The following ROPN1B variants were observed in gnomAD, a reference collection of about 807,000 sequenced individuals.
The protein encoded by ROPN1B is ropporin-1B.
In ROPN1B, 13 loss-of-function variants were observed where a neutral mutation model predicts 23.7. The observed-to-expected ratio is 0.55, with a 90% confidence interval of 0.36 to 0.87. The LOEUF (loss-of-function observed/expected upper bound fraction) is 0.87. ROPN1B is among the 40% of genes least tolerant of loss of function. The pLI is 0.01. For missense variants in ROPN1B, 183 were observed against 249.2 expected (o/e 0.73, Z 1.79); for synonymous variants, 67 against 100.4 (o/e 0.67, Z 1.99).
Position 125,975,667 on chromosome 3 carries a change from T to C in ROPN1B, c.221T>C (p.Ile74Thr), listed in dbSNP as rs1938382660. Residue 74 changes from isoleucine (I) to threonine (T), a missense_variant, in exon 4 of 7, where the codon ATC becomes ACC. Coordinates refer to ENST00000514116, the MANE Select transcript of ROPN1B (RefSeq NM_001308313.2). ...GAGCTAACACCTGAGCTGTTAAAGATCCTGCATTCTCAGGTAAGGGCCCTG... is the reference window on the plus strand; with the variant it reads ...GAGCTAACACCTGAGCTGTTAAAGACCCTGCATTCTCAGGTAAGGGCCCTG... The part of the protein sequence containing the change: ...WAELTPELLK[I>T]LHSQVAGRLI... The C allele has an allele frequency of 6.2e-7, 1 of 1,613,412 alleles. No homozygotes were observed. The highest frequency in any genetic ancestry group is 2.2e-5 in the East Asian group (1 of 44,870).
Position 125,972,960 on chromosome 3 carries a change from C to G in ROPN1B, c.116+790C>G, listed in dbSNP as rs1938270361. On this transcript the variant is annotated intron_variant, in intron 3 of 6. Transcript: ENST00000514116. ...TCGCTGCGGGCCTGGATTGAAGTAG[C>G]TTTGCACAGAAAGCCTCTCAGCTAT... 1.3e-5 allele frequency: 5 copies of G among 375,482 alleles called. No individual in the cohort carries two copies. The Admixed American group carries it at 1.7e-4, about 13-fold the overall frequency. 23.3% of individuals were successfully genotyped at this position (375,482 alleles called of 1,614,324 possible).
At chr3:125,977,515 C>T in intron 5 of ROPN1B, 1 of 374,510 alleles carries the variant, frequency 2.7e-6, no homozygotes, top group Admixed American at 3.9e-5. Flanking sequence ...GACTTCCAGA[C>T]ACCTAGAATA....
intron 5 of ROPN1B, among the ~76,000 whole-genome samples, chr3:125,978,421 T>C (rs1431909053): frequency 1.3e-5 from 2 of 152,150 alleles, no homozygotes; most frequent in Non-Finnish European, 2.9e-5. Context: ...AGAAAATAAA[T>C]AAATTCAATC....
Position 125,982,452 on chromosome 3 carries a change from T to G in ROPN1B, c.572+7T>G, listed in dbSNP as rs747554402. The G allele has an allele frequency of 1.3e-6, 2 of 1,584,986 alleles. No homozygotes were observed. Among genetic ancestry groups the G allele is most frequent in the Non-Finnish European group, 1.7e-6 (2 of 1,169,760 alleles). Reference sequence around the variant, plus strand: ...ACTACATTGAACAGGAAGTGTAAGTTAACTTTTACCAATTGGAGGTGAAAG... The same window carrying G: ...ACTACATTGAACAGGAAGTGTAAGTGAACTTTTACCAATTGGAGGTGAAAG... On this transcript the variant is annotated splice_region_variant and intron_variant, in intron 6 of 6. Coordinates refer to ENST00000514116, the MANE Select transcript of ROPN1B (RefSeq NM_001308313.2).
chr3:125,980,563 G>C (rs902823747), intron 5 of ROPN1B, among the ~76,000 whole-genome samples: 17 of 152,132 alleles, frequency 1.1e-4, no homozygotes, highest in African/African-American at 4.1e-4. Flanking sequence ...TTCTTAAAAA[G>C]ACACCCTACT....
chr3:125,975,954 C>T (rs536950956), intron 4 of ROPN1B, among the ~76,000 whole-genome samples: 1 of 152,246 alleles, frequency 6.6e-6, no homozygotes, highest in South Asian at 2.1e-4. Flanking sequence ...CTTGTCTCTC[C>T]AGAAAAGTGC....
intron 5 of ROPN1B, among the ~76,000 whole-genome samples, chr3:125,979,998 T>A (rs1938557794): frequency 6.6e-6 from 1 of 152,240 alleles, no homozygotes; most frequent in African/African-American, 2.4e-5. Context: ...AAGGAAGAGA[T>A]CACGTATGTA....
chr3:125,976,585 G>C (rs150857049), intron 4 of ROPN1B, among the ~76,000 whole-genome samples: 1 of 152,204 alleles, frequency 6.6e-6, no homozygotes, highest in Non-Finnish European at 1.5e-5. Flanking sequence ...GTGCAATCGG[G>C]AAGAAACAGA....
chr3:125,970,406 A>G (rs1332468187), intron 1 of ROPN1B, among the ~76,000 whole-genome samples: 3 of 152,092 alleles, frequency 2.0e-5, no homozygotes, highest in East Asian at 1.9e-4. Flanking sequence ...TGTAATGGAG[A>G]CTTTCATTTA....
chr3:125,978,107 G>C (rs1015426941), intron 5 of ROPN1B: 1 of 152,186 alleles, frequency 6.6e-6, no homozygotes, highest in African/African-American at 2.4e-5. Context: ...GCTTTAAAGA[G>C]AAGTGAACAA....
At chr3:125,972,228 G>C in intron 3 of ROPN1B, 58 bp downstream of exon 3, 1 of 1,561,598 alleles carries the variant, frequency 6.4e-7, no homozygotes, top group Non-Finnish European at 8.8e-7. Context: ...AGAGGGTCCT[G>C]TAAAACCGCG....
intron 3 of ROPN1B, among the ~76,000 whole-genome samples, chr3:125,974,160 T>G (rs1234264381): frequency 6.6e-6 from 1 of 152,222 alleles, no homozygotes; most frequent in Non-Finnish European, 1.5e-5. Context: ...TGGAATGAGG[T>G]GCTGTGTGTC....
chr3:125,979,554 C>T (rs1187196032), intron 5 of ROPN1B, among the ~76,000 whole-genome samples: 3 of 152,122 alleles, frequency 2.0e-5, no homozygotes, highest in East Asian at 1.9e-4. Flanking sequence ...TCTGCTGGCA[C>T]CTTGGTCTTG....
chr3:125,974,502 C>A (rs1375311303), intron 3 of ROPN1B, among the ~76,000 whole-genome samples: 1 of 152,128 alleles, frequency 6.6e-6, no homozygotes, highest in East Asian at 1.9e-4. Context: ...CTACCTGGAT[C>A]TGGAGGAAGT....
intron 3 of ROPN1B, among the ~76,000 whole-genome samples, chr3:125,974,741 TGAG>T (rs1415873983): frequency 1.3e-5 from 2 of 152,160 alleles, no homozygotes; most frequent in African/African-American, 2.4e-5. Context: ...CACAAAACAT[TGAG>T]GAGCAGGCAG....
chr3:125,983,358 G>C lies in ROPN1B; in HGVS notation c.*38G>C, dbSNP rs756068711. On this transcript the variant is annotated 3_prime_UTR_variant, in exon 7 of 7. Coordinates refer to ENST00000514116, the MANE Select transcript of ROPN1B (RefSeq NM_001308313.2). ...GGCAATTTTAAAGGAAGATACAGAG[G>C]TGATTGTACTTCAGAATGATAAACC... 35 of 1,408,218 alleles carry C rather than the reference G, an allele frequency of 2.5e-5. 1 individual carries two copies. In the South Asian group the frequency reaches 4.0e-4, roughly 16 times the overall value. 87.2% of individuals were successfully genotyped at this position (1,408,218 alleles called of 1,614,324 possible).
At position 125,972,191 on chromosome 3, in the gene ROPN1B, T is replaced by C. The variant is rs769150938; in HGVS notation, c.116+21T>C. On this transcript the variant is annotated intron_variant, in intron 3 of 6. Coordinates refer to ENST00000514116, the MANE Select transcript of ROPN1B (RefSeq NM_001308313.2). The stretch of plus-strand genomic sequence containing the variant: ...GCCGAGTACGTGCTCCTTTCTCGCC[T>C]TCATCTCTTGGAGGACGGGCGGGGA... 7 of 1,612,760 alleles carry C rather than the reference T, an allele frequency of 4.3e-6. No homozygotes were observed. In the South Asian group the frequency reaches 7.7e-5, roughly 18 times the overall value.
At position 125,972,177 on chromosome 3, in the gene ROPN1B, G is replaced by C; in HGVS notation, c.116+7G>C. ...TCATCCAGTGGGGGGCCGAGTACGT[G>C]CTCCTTTCTCGCCTTCATCTCTTGG... is the stretch of plus-strand genomic sequence containing the variant. On this transcript the variant is annotated splice_region_variant and intron_variant, in intron 3 of 6. Transcript: ENST00000514116. 1 of 1,614,100 alleles carries C rather than the reference G, an allele frequency of 6.2e-7. No individual in the cohort carries two copies. The highest frequency in any genetic ancestry group is 8.5e-7 in the Non-Finnish European group (1 of 1,179,928).
At chr3:125,971,920 C>T in intron 2 of ROPN1B, 123 bp from the exon 3 acceptor site, 5 of 745,666 alleles carry the variant, frequency 6.7e-6, no homozygotes, top group South Asian at 2.4e-5. Flanking sequence ...CAATAGAATG[C>T]ATTTGTCTTG....
Sources: allele counts gnomAD v4.1 joint callset (sites outside exome capture counted in the v4.1 genomes callset), GRCh38; gene constraint gnomAD v4.1.1; transcripts MANE v1.5; gene names NCBI Gene and HGNC (gene_info 2026-07-23, HGNC 2026-07-21).